The following CGNL1 variants were observed in gnomAD, a reference collection of about 807,000 sequenced individuals.
The protein encoded by CGNL1 is cingulin like 1, also known as cingulin-like protein 1.
CGNL1 carries 132 observed loss-of-function variants against 141.2 expected under a neutral mutation model. The observed-to-expected ratio is 0.93, with a 90% confidence interval of 0.81 to 1.08. The LOEUF is 1.08. CGNL1 is among the 50% of genes least tolerant of loss of function. The pLI, the probability that CGNL1 is intolerant of heterozygous loss-of-function variation, is 0.00. For missense variants in CGNL1, 1,870 were observed against 1,588.6 expected (o/e 1.18, Z -3.01); for synonymous variants, 690 against 622.1 (o/e 1.11, Z -1.63).
rs1294567318 is a variant in CGNL1 at position 57,439,372 on chromosome 15, A to C, written c.1373A>C (p.His458Pro). 4 of 1,613,972 alleles carry C rather than the reference A, an allele frequency of 2.5e-6. No homozygotes were observed. Among genetic ancestry groups the C allele is most frequent in the East Asian group, 2.2e-5 (1 of 44,878 alleles). Residue 458 changes from histidine to proline, a missense_variant, in exon 2 of 19, where the codon CAC (histidine) becomes CCC (proline). Transcript: ENST00000281282. ...GCAGCGCACGGGGCTTCATGTGCCC[A>C]CTCCAGGCCTCCCCAGCCGAACATA... Reference protein sequence around the residue: ...QGAAHGASCAHSRPPQPNIDG... With the variant: ...QGAAHGASCAPSRPPQPNIDG...
rs758543694 is a variant in CGNL1 at position 57,438,545 on chromosome 15, C to T, written c.546C>T (p.Gly182=). ...GGCTAAAAACGTTGACAGAAGAAGG[C>T]ATCAACAATAAGAAGCCTTGGACTT... The part of the protein sequence containing the change: ...SNWLKTLTEE[G]INNKKPWTCF... Residue 182 remains glycine, a synonymous_variant, in exon 2 of 19, where the codon GGC becomes GGT. Coordinates refer to ENST00000281282, the MANE Select transcript of CGNL1 (RefSeq NM_032866.5). 37 of 1,613,858 alleles carry T rather than the reference C, an allele frequency of 2.3e-5. No individual in the cohort carries two copies. Among genetic ancestry groups the T allele is most frequent in the Non-Finnish European group, 2.9e-5 (34 of 1,179,990 alleles).
chr15:57,505,593 T>A (rs1015167439), intron 8 of CGNL1, among the ~76,000 whole-genome samples: 3 of 152,196 alleles, frequency 2.0e-5, no homozygotes, highest in Non-Finnish European at 2.9e-5. Context: ...AAGGTCACTC[T>A]TGTCAGGTGT....
chr15:57,400,667 G>C (rs1399554314), intron 1 of CGNL1, among the ~76,000 whole-genome samples: 1 of 152,074 alleles, frequency 6.6e-6, no homozygotes, highest in Non-Finnish European at 1.5e-5. Flanking sequence ...CGGATCATCT[G>C]AGGTCGGGAG....
chr15:57,520,499 A>C (rs2031179637), intron 10 of CGNL1, among the ~76,000 whole-genome samples: 1 of 152,256 alleles, frequency 6.6e-6, no homozygotes, highest in South Asian at 2.1e-4. Context: ...TCAGTTAAAA[A>C]GTAGCAGAGG....
intron 8 of CGNL1, among the ~76,000 whole-genome samples, chr15:57,498,044 C>G (rs1172393025): frequency 6.6e-6 from 1 of 151,918 alleles, no homozygotes; most frequent in Non-Finnish European, 1.5e-5. Flanking sequence ...TGTTTTTTTT[C>G]CATCTGCACT....
At position 57,438,764 on chromosome 15, in the gene CGNL1, G is replaced by A. The variant is rs764398852; in HGVS notation, c.765G>A (p.Arg255=). ...AGGAGGCCCTTTTCACTAGCGGGAGGCCCCTGACTGCCCACAGCCCACATG... is the reference window on the plus strand; with the variant it reads ...AGGAGGCCCTTTTCACTAGCGGGAGACCCCTGACTGCCCACAGCCCACATG... ...VGEEALFTSG[R]PLTAHSPHAH... The change falls in exon 2 of 19, where the codon AGG becomes AGA. Residue 255 remains arginine, a synonymous_variant. Transcript: ENST00000281282. 3.1e-6 allele frequency: 5 copies of A among 1,614,134 alleles called. No individual in the cohort carries two copies. In the South Asian group the frequency reaches 5.5e-5, roughly 18 times the overall value.
chr15:57,418,477 C>A (rs112522972), intron 1 of CGNL1, among the ~76,000 whole-genome samples: 3,666 of 152,118 alleles, frequency 0.024, 124 homozygotes, highest in African/African-American at 0.083. Flanking sequence ...AGCATGTTTC[C>A]TGGGGAAGGT....
intron 8 of CGNL1, among the ~76,000 whole-genome samples, chr15:57,500,580 C>G (rs537842713): frequency 2.4e-4 from 37 of 152,272 alleles, no homozygotes; most frequent in Non-Finnish European, 4.7e-4. Context: ...AATCATTTAT[C>G]AGGGTCAGCA....
Position 57,483,078 on chromosome 15 carries a change from C to T in CGNL1, c.2403+21186C>T, listed in dbSNP as rs115143369. On this transcript the variant is annotated intron_variant, in intron 8 of 18. Transcript: ENST00000281282. ...CTGGGATTATAGGAGTGAGCCACTGCGCCTGGCCTACCTTTTCATATAAAT... is the reference window on the plus strand; with the variant it reads ...CTGGGATTATAGGAGTGAGCCACTGTGCCTGGCCTACCTTTTCATATAAAT... Among the ~76,000 whole-genome samples, 1,133 of 152,304 alleles carry T rather than the reference C, an allele frequency of 7.4e-3. 11 individuals carry two copies. The highest frequency in any genetic ancestry group is 0.026 in the African/African-American group (1,086 of 41,568).
intron 1 of CGNL1, among the ~76,000 whole-genome samples, chr15:57,413,732 C>G (rs780380151): frequency 2.0e-5 from 3 of 152,200 alleles, no homozygotes; most frequent in Non-Finnish European, 4.4e-5. Context: ...AAAAGTAGAT[C>G]AAATGCTTTT....
chr15:57,385,826 G>C (rs1425186030), intron 1 of CGNL1, among the ~76,000 whole-genome samples: 1 of 152,202 alleles, frequency 6.6e-6, no homozygotes, highest in African/African-American at 2.4e-5. Context: ...CATCTAATGG[G>C]CCAAGGCCAA....
intron 14 of CGNL1, among the ~76,000 whole-genome samples, chr15:57,533,267 C>A (rs1459694899): frequency 6.6e-6 from 1 of 152,140 alleles, no homozygotes; most frequent in Non-Finnish European, 1.5e-5. Context: ...CTTATCAGGC[C>A]AGAGCTGCAC....
chr15:57,514,672 C>G (rs1490678259), intron 8 of CGNL1, among the ~76,000 whole-genome samples: 3 of 152,008 alleles, frequency 2.0e-5, no homozygotes, highest in Admixed American at 6.6e-5. Flanking sequence ...AGCTAAGTAG[C>G]CTTTGCCTAA....
intron 1 of CGNL1, among the ~76,000 whole-genome samples, chr15:57,377,365 A>G (rs2062376236): frequency 6.6e-6 from 1 of 152,146 alleles, no homozygotes; most frequent in African/African-American, 2.4e-5. Context: ...TTTAAAAAAT[A>G]CTGGTGCCTG....
At chr15:57,409,882 G>A (rs540249289) in intron 1 of CGNL1, among the ~76,000 whole-genome samples, 6 of 152,312 alleles carry the variant, frequency 3.9e-5, no homozygotes, top group Admixed American at 1.3e-4. Context: ...AAATCAAGTG[G>A]GAAGGGAATG....
chr15:57,496,852 T>G (rs1334479891), intron 8 of CGNL1, among the ~76,000 whole-genome samples: 4 of 152,112 alleles, frequency 2.6e-5, no homozygotes, highest in African/African-American at 9.7e-5. Flanking sequence ...GCCCATACAT[T>G]CAAGACTTGG....
chr15:57,396,277 G>GTTTTTTTTTTTTTTT lies in CGNL1; in HGVS notation c.-16+19713_-16+19727dup, dbSNP rs57154500. Among the ~76,000 whole-genome samples the GTTTTTTTTTTTTTTT allele has an allele frequency of 3.1e-5, 4 of 129,224 alleles. 1 individual carries two copies. Among genetic ancestry groups the GTTTTTTTTTTTTTTT allele is most frequent in the African/African-American group, 1.2e-4 (4 of 33,964 alleles). 84.8% of individuals were successfully genotyped at this position (129,224 alleles called of 152,430 possible). On this transcript the variant is annotated intron_variant, in intron 1 of 18. Transcript: ENST00000281282. ...ATTGTGCTACTTACTTTCTTTCTTT[G>GTTTTTTTTTTTTTTT]TTTTTTTTTTTTTTTTTGGAAACAG... is the stretch of plus-strand genomic sequence containing the variant.
rs139891083 is a variant in CGNL1, at chr15:57,380,880, A to G, written c.-16+4313A>G. The stretch of plus-strand genomic sequence containing the variant: ...CAACAGAGCTGAAAGGAGAATGCAA[A>G]GTGCAGTGTGAAAGCCGCAGCTGCA... On this transcript the variant is annotated intron_variant, in intron 1 of 18. Coordinates refer to ENST00000281282, the MANE Select transcript of CGNL1 (RefSeq NM_032866.5). Among the ~76,000 whole-genome samples the G allele has an allele frequency of 3.8e-3, 584 of 152,288 alleles. 5 individuals carry two copies. The highest frequency in any genetic ancestry group is 0.013 in the African/African-American group (555 of 41,554).
At chr15:57,404,001 T>G (rs2062687995) in intron 1 of CGNL1, among the ~76,000 whole-genome samples, 1 of 152,128 alleles carries the variant, frequency 6.6e-6, no homozygotes, top group Non-Finnish European at 1.5e-5. Context: ...GCCCAGGGAG[T>G]ACCTTGAGCT....
Sources: gnomAD v4.1 joint callset for allele counts (sites outside exome capture counted in the v4.1 genomes callset) on GRCh38, gnomAD v4.1.1 for gene constraint, MANE v1.5 for transcripts, NCBI Gene and HGNC (gene_info 2026-07-23, HGNC 2026-07-21) for gene names.